Variants in SERGEF observed in about 807,000 individuals in gnomAD.
SERGEF encodes secretion regulating guanine nucleotide exchange factor, also known as secretion-regulating guanine nucleotide exchange factor.
In SERGEF, 51 loss-of-function variants were observed where a neutral mutation model predicts 50.0. The ratio of observed to expected loss-of-function variants is 1.02; its 90% CI spans 0.81 to 1.29. The LOEUF (loss-of-function observed/expected upper bound fraction) is 1.29, where lower values mean the gene tolerates loss of function less well. Among genes scored for constraint, SERGEF ranks in the 50% most tolerant of loss-of-function variants. SERGEF has a pLI of 0.00. For synonymous variants in SERGEF, 205 were observed against 212.4 expected, an observed-to-expected ratio of 0.97 and a Z score of 0.30; for missense variants, 521 against 557.0, an observed-to-expected ratio of 0.94 and a Z score of 0.65.
intron 9 of SERGEF, among the ~76,000 whole-genome samples, chr11:17,925,691 T>C (rs1189694179): frequency 6.6e-6 from 1 of 152,138 alleles, no homozygotes; most frequent in African/African-American, 2.4e-5. Flanking sequence ...ATTTCCATCT[T>C]ACAAAAATGT....
At chr11:17,934,539 A>G (rs1024684419) in intron 9 of SERGEF, among the ~76,000 whole-genome samples, 17 of 152,184 alleles carry the variant, frequency 1.1e-4, no homozygotes, top group African/African-American at 4.1e-4. Context: ...TACTTCCACT[A>G]TTAACTTCAA....
chr11:17,912,728 G>A (rs1030884158), intron 9 of SERGEF, among the ~76,000 whole-genome samples: 1 of 152,186 alleles, frequency 6.6e-6, no homozygotes, highest in African/African-American at 2.4e-5. Context: ...TAGATTATGA[G>A]GGAGCCAAAG....
intron 9 of SERGEF, among the ~76,000 whole-genome samples, chr11:17,891,568 T>TG (rs1851532227): frequency 6.6e-6 from 1 of 152,138 alleles, no homozygotes; most frequent in African/African-American, 2.4e-5. Context: ...AAACAATACA[T>TG]GTTAAGCCTG....
At chr11:17,804,059 A>T (rs1849716116) in intron 10 of SERGEF, among the ~76,000 whole-genome samples, 1 of 152,186 alleles carries the variant, frequency 6.6e-6, no homozygotes, top group Non-Finnish European at 1.5e-5. Flanking sequence ...TTCCTACAGG[A>T]TTGTATGACC....
chr11:17,920,544 G>A (rs567667845), intron 9 of SERGEF, among the ~76,000 whole-genome samples: 1 of 152,312 alleles, frequency 6.6e-6, no homozygotes, highest in East Asian at 1.9e-4. Flanking sequence ...GAGGCTGAGA[G>A]GAGGAATGCA....
chr11:17,879,878 A>G (rs1387599130), intron 9 of SERGEF, among the ~76,000 whole-genome samples: 1 of 152,212 alleles, frequency 6.6e-6, no homozygotes, highest in African/African-American at 2.4e-5. Flanking sequence ...AAAATAAAAA[A>G]CTAAGACTAG....
intron 10 of SERGEF, among the ~76,000 whole-genome samples, chr11:17,830,649 G>GGAGGGAGA (rs60101312): frequency 1.3e-3 from 102 of 77,728 alleles, no homozygotes; most frequent in Middle Eastern, 0.01. Flanking sequence ...GGAGAGGGAG[G>GGAGGGAGA]GAGAGAGAGA....
chr11:17,849,458 T>A (rs1304236820), intron 10 of SERGEF, among the ~76,000 whole-genome samples: 1 of 152,192 alleles, frequency 6.6e-6, no homozygotes, highest in East Asian at 1.9e-4. Context: ...CAGCTTCTGT[T>A]ATTAGAAAGG....
chr11:17,817,214 T>A (rs1849991615), intron 10 of SERGEF, among the ~76,000 whole-genome samples: 1 of 34,276 alleles, frequency 2.9e-5, no homozygotes, highest in Admixed American at 5.0e-4. Context: ...TTTCCATGTA[T>A]TTTTTTTTTT....
In SERGEF at chr11:17,824,163, T is replaced by A. The variant is rs1366779442; in HGVS notation, c.1049-35750A>T. Among the ~76,000 whole-genome samples the A allele has an allele frequency of 5.9e-5, 9 of 152,076 alleles. No individual in the cohort carries two copies. The East Asian group carries it at 1.7e-3, about 29-fold the overall frequency. ...AAAAATACAAAAAATTAGCCGGGCGTGGTGGCGGGCGCCTGTAGTCCTAGC... is the reference window on the plus strand; with the variant it reads ...AAAAATACAAAAAATTAGCCGGGCGAGGTGGCGGGCGCCTGTAGTCCTAGC... On this transcript the variant is annotated intron_variant, in intron 10 of 10. Coordinates refer to ENST00000265965, the MANE Select transcript of SERGEF (RefSeq NM_012139.4).
intron 9 of SERGEF, among the ~76,000 whole-genome samples, chr11:17,939,252 A>G (rs556285251): frequency 1.3e-5 from 2 of 152,302 alleles, no homozygotes; most frequent in South Asian, 4.1e-4. Context: ...AAGAATAGAA[A>G]AGCATTAATA....
chr11:17,794,323 G>A (rs958666331), intron 10 of SERGEF, among the ~76,000 whole-genome samples: 26 of 152,294 alleles, frequency 1.7e-4, no homozygotes, highest in Non-Finnish European at 3.4e-4. Context: ...AGCTGGAGTT[G>A]TAGCCACTAC....
At chr11:17,801,952 T>C (rs1487332190) in intron 10 of SERGEF, among the ~76,000 whole-genome samples, 1 of 152,228 alleles carries the variant, frequency 6.6e-6, no homozygotes, top group African/African-American at 2.4e-5. Flanking sequence ...ATAAATTACC[T>C]TTGTGAATGT....
intron 10 of SERGEF, among the ~76,000 whole-genome samples, chr11:17,822,753 C>A (rs148628093): frequency 6.6e-6 from 1 of 152,162 alleles, no homozygotes; most frequent in Non-Finnish European, 1.5e-5. Context: ...CATTTTACAT[C>A]GAAGAACCGA....
At position 17,878,188 on chromosome 11, in the gene SERGEF, T is replaced by G. The variant is rs200545162; in HGVS notation, c.1048+20A>C. On this transcript the variant is annotated intron_variant, in intron 10 of 10. Coordinates refer to ENST00000265965, the MANE Select transcript of SERGEF (RefSeq NM_012139.4). ...ACATGATTTTCAGAAGAAACAGTTA[T>G]CAGTATAAAAATTACTTACCAATTA... The G allele has an allele frequency of 6.5e-7, 1 of 1,538,918 alleles. No individual in the cohort carries two copies. Among genetic ancestry groups the G allele is most frequent in the East Asian group, 2.3e-5 (1 of 44,422 alleles).
At chr11:17,850,933 G>A (rs1850699477) in intron 10 of SERGEF, among the ~76,000 whole-genome samples, 1 of 152,152 alleles carries the variant, frequency 6.6e-6, no homozygotes, top group South Asian at 2.1e-4. Context: ...AGGAGACCTG[G>A]CTGAGGTGTC....
intron 9 of SERGEF, among the ~76,000 whole-genome samples, chr11:17,892,784 C>T (rs949801392): frequency 6.6e-6 from 1 of 152,150 alleles, no homozygotes; most frequent in Non-Finnish European, 1.5e-5. Context: ...GGAGAACACA[C>T]ACTACAGGAA....
At chr11:17,925,672 G>A (rs1233500584) in intron 9 of SERGEF, among the ~76,000 whole-genome samples, 1 of 152,024 alleles carries the variant, frequency 6.6e-6, no homozygotes, top group Non-Finnish European at 1.5e-5. Flanking sequence ...AATGCACACA[G>A]GGAGGCACAT....
chr11:17,862,702 G>A (rs748337264), intron 10 of SERGEF, among the ~76,000 whole-genome samples: 13 of 152,284 alleles, frequency 8.5e-5, no homozygotes, highest in South Asian at 2.1e-4. Context: ...CTGTGGATGC[G>A]GAGAGGCAAT....
Sources: gnomAD v4.1 joint callset for allele counts (sites outside exome capture counted in the v4.1 genomes callset) on GRCh38, gnomAD v4.1.1 for gene constraint, MANE v1.5 for transcripts, NCBI Gene and HGNC (gene_info 2026-07-23, HGNC 2026-07-21) for gene names.